Variants in DNAH5 observed in about 807,000 individuals in gnomAD.
DNAH5 encodes the protein dynein axonemal heavy chain 5, also known as axonemal beta dynein heavy chain 5.
Under a neutral mutation model 518.2 loss-of-function variants are expected in DNAH5, and 372 were observed. The ratio of observed to expected loss-of-function variants is 0.72; its 90% CI spans 0.66 to 0.78. The LOEUF (loss-of-function observed/expected upper bound fraction) is 0.78, where lower values mean the gene tolerates loss of function less well. Among genes scored for constraint, DNAH5 ranks in the 30% least tolerant of loss-of-function variants. The pLI is 0.00. For missense variants in DNAH5, 5,523 were observed against 5,687.0 expected, an observed-to-expected ratio of 0.97 and a Z score of 0.93; for synonymous variants, 2,039 against 2,025.9, an observed-to-expected ratio of 1.01 and a Z score of -0.17.
intron 1 of DNAH5, among the ~76,000 whole-genome samples, chr5:14,005,277 A>T (rs1375954995): frequency 6.6e-6 from 1 of 152,198 alleles, no homozygotes; most frequent in African/African-American, 2.4e-5. Flanking sequence ...TCTGTTCTCC[A>T]GCTTTCTATG....
At chr5:13,725,636 A>G (rs1332166373) in intron 70 of DNAH5, among the ~76,000 whole-genome samples, 11 of 151,936 alleles carry the variant, frequency 7.2e-5, no homozygotes, top group African/African-American at 2.7e-4. Context: ...TAACCTGCAC[A>G]CCTGTGCCAA....
chr5:13,980,377 C>T (rs933949286), intron 1 of DNAH5, among the ~76,000 whole-genome samples: 18 of 152,116 alleles, frequency 1.2e-4, no homozygotes, highest in Non-Finnish European at 8.8e-5. Flanking sequence ...CATGGATGTC[C>T]AACTCCCTGT....
intron 62 of DNAH5, 28 bp from the exon 63 acceptor site, chr5:13,753,577 A>C: frequency 6.4e-7 from 1 of 1,573,138 alleles, no homozygotes; most frequent in Non-Finnish European, 8.7e-7. Context: ...CACCATTGAA[A>C]TACTTTACGT....
At chr5:13,984,989 T>C (rs1442276280) in intron 1 of DNAH5, among the ~76,000 whole-genome samples, 1 of 152,188 alleles carries the variant, frequency 6.6e-6, no homozygotes, top group Non-Finnish European at 1.5e-5. Context: ...GTATGTTTAT[T>C]GCGGCACTAC....
At position 13,917,245 on chromosome 5, in the gene DNAH5, C is replaced by A; in HGVS notation, c.987G>T (p.Glu329Asp). The A allele has an allele frequency of 6.2e-7, 1 of 1,613,718 alleles. No individual in the cohort carries two copies. Among genetic ancestry groups the A allele is most frequent in the South Asian group, 1.1e-5 (1 of 91,068 alleles). ...AKSKLLKTWR[E>D]MDIRITDATN... is the part of the protein sequence containing the mutation. ...TTGCATCAGTGATTCGAATATCCAT[C>A]TCCCGCCAAGTCTAAGCACAATAGG... Residue 329 changes from glutamate to aspartate, a missense_variant, in exon 8 of 79, where the codon GAG (glutamate) becomes GAT (aspartate). This residue lies in a region of DNAH5 where 5,121 missense variants were observed against 5,223.3 expected (regional missense o/e 0.98). Coordinates refer to ENST00000265104, the MANE Select transcript of DNAH5 (RefSeq NM_001369.3).
rs777697449 is a variant in DNAH5 at position 13,859,536 on chromosome 5, G to C, written c.4866C>G (p.Ile1622Met). The C allele has an allele frequency of 1.2e-6, 2 of 1,614,034 alleles. No individual in the cohort carries two copies. The highest frequency in any genetic ancestry group is 2.2e-5 in the South Asian group (2 of 91,078). The change falls in exon 30 of 79, where the codon ATC becomes ATG. Residue 1622 changes from isoleucine to methionine, a missense_variant. Physicochemically the swap from Ile to Met is conservative, Grantham distance 10 (BLOSUM62 1). Coordinates refer to ENST00000265104, the MANE Select transcript of DNAH5 (RefSeq NM_001369.3). ...GGTTTTGCACCGTCATCCAGCTCTC[G>C]ATGATGTCTGTTGAGTTGGAAAGGT... ...VQYLSNSTDI[I>M]ESWMTVQNLW...
chr5:13,839,602 G>A, intron 34 of DNAH5, 74 bp from the exon 35 acceptor site: 1 of 1,301,564 alleles, frequency 7.7e-7, no homozygotes, highest in Non-Finnish European at 1.1e-6. Flanking sequence ...TAGCATTCAT[G>A]TAGATCATAA....
Position 13,944,489 on chromosome 5 carries a change from A to AGAAG in DNAH5, c.-52_-51insCTTC. Reference sequence around the variant, plus strand: ...GTCAGCTCTTCCGGAATGGTCTTCTAACTCCTGGCAGACCTGCTCAACATC... The same window carrying AGAAG: ...GTCAGCTCTTCCGGAATGGTCTTCTAGAAGACTCCTGGCAGACCTGCTCAACATC... On this transcript the variant is annotated 5_prime_UTR_variant, in exon 1 of 79. The change abolishes the stop of an existing upstream ORF in the 5' untranslated region. Transcript: ENST00000265104. The AGAAG allele has an allele frequency of 6.5e-7, 1 of 1,543,258 alleles. No homozygotes were observed. The highest frequency in any genetic ancestry group is 8.9e-7 in the Non-Finnish European group (1 of 1,120,992).
intron 1 of DNAH5, among the ~76,000 whole-genome samples, chr5:13,953,075 C>T (rs1170476243): frequency 6.6e-6 from 1 of 152,184 alleles, no homozygotes; most frequent in East Asian, 1.9e-4. Flanking sequence ...ATTTTAGAGA[C>T]CAAACATAAA....
rs1561370706 is a variant in DNAH5, at chr5:13,829,498, A to G, written c.6444+12T>C. ...ACATGCCTAAGTGCATAAGACCTCC[A>G]GGATGACACACCTGCTTAGAAAGCT... On this transcript the variant is annotated intron_variant, in intron 38 of 78. Transcript: ENST00000265104. 6.2e-7 allele frequency: 1 copy of G among 1,613,804 alleles called. No homozygotes were observed. Among genetic ancestry groups the G allele is most frequent in the South Asian group, 1.1e-5 (1 of 91,086 alleles).
In DNAH5 at chr5:13,716,555, A is replaced by C; in HGVS notation, c.12841T>G (p.Phe4281Val). ...WFSENMFGPD[F>V]SFYQGYNIPK... ...ATATTGTATCCTTGGTAAAAACTGA[A>C]ATCTGGTCCAAACATATTTTCACTG... The change falls in exon 74 of 79, where the codon TTC (phenylalanine) becomes GTC (valine). Residue 4281 changes from phenylalanine to valine, a missense_variant. By Grantham distance (50) the Phe-to-Val change is conservative (BLOSUM62 -1). This residue lies in a region of DNAH5 where 387 missense variants were observed against 430.0 expected (regional missense o/e 0.90). Transcript: ENST00000265104. 1 of 1,613,964 alleles carries C rather than the reference A, an allele frequency of 6.2e-7. No individual in the cohort carries two copies. Among genetic ancestry groups the C allele is most frequent in the Non-Finnish European group, 8.5e-7 (1 of 1,179,868 alleles).
chr5:13,852,748 C>T (rs887803202), intron 30 of DNAH5, among the ~76,000 whole-genome samples: 3 of 152,064 alleles, frequency 2.0e-5, no homozygotes, highest in East Asian at 1.9e-4. Flanking sequence ...TTAACAAAGC[C>T]GCAAAGAAGT....
At chr5:13,871,427 C>T (rs2151919930) in intron 23 of DNAH5, 137 bp downstream of exon 23, 1 of 758,694 alleles carries the variant, frequency 1.3e-6, no homozygotes. Context: ...TTTAAAAATC[C>T]ACAAATTGGT....
At chr5:13,836,869 A>T (rs1330988556) in intron 35 of DNAH5, among the ~76,000 whole-genome samples, 1 of 152,194 alleles carries the variant, frequency 6.6e-6, no homozygotes, top group African/African-American at 2.4e-5. Context: ...CAGAGACACA[A>T]GACAGAAGAA....
intron 50 of DNAH5, among the ~76,000 whole-genome samples, chr5:13,790,248 G>A (rs1483540132): frequency 6.6e-6 from 1 of 152,154 alleles, no homozygotes; most frequent in Non-Finnish European, 1.5e-5. Context: ...ACATGCACGT[G>A]AATGTTCATT....
At chr5:13,859,977 T>C (rs1341948221) in intron 29 of DNAH5, among the ~76,000 whole-genome samples, 2 of 152,206 alleles carry the variant, frequency 1.3e-5, no homozygotes, top group Non-Finnish European at 2.9e-5. Context: ...TCTCTGGTTT[T>C]TCATATAATA....
chr5:13,840,986 C>A lies in DNAH5; in HGVS notation c.5629G>T (p.Asp1877Tyr). The A allele has an allele frequency of 6.2e-7, 1 of 1,614,124 alleles. No individual in the cohort carries two copies. Among genetic ancestry groups the A allele is most frequent in the Non-Finnish European group, 8.5e-7 (1 of 1,179,994 alleles). The stretch of plus-strand genomic sequence containing the variant: ...TTCACTCGTTCCGTGGAACTCAGAT[C>A]CCTCGTGGTGACGTCTATCAATGTA... Reference protein sequence around the residue: ...LNTLIDVTTRDLSSTERVKYE... With the variant: ...LNTLIDVTTRYLSSTERVKYE... The change falls in exon 34 of 79, where the codon GAT becomes TAT. Residue 1877 changes from aspartate (D) to tyrosine (Y), a missense_variant. This residue lies in a region of DNAH5 where 5,121 missense variants were observed against 5,223.3 expected (regional missense o/e 0.98). Coordinates refer to ENST00000265104, the MANE Select transcript of DNAH5 (RefSeq NM_001369.3).
At chr5:13,774,324 G>C (rs1580166114) in intron 55 of DNAH5, among the ~76,000 whole-genome samples, 1 of 152,200 alleles carries the variant, frequency 6.6e-6, no homozygotes, top group East Asian at 1.9e-4. Context: ...AGGTTGCCTA[G>C]TTTGATGAGC....
intron 75 of DNAH5, 53 bp from the exon 76 acceptor site, chr5:13,708,388 A>G: frequency 1.9e-6 from 3 of 1,584,866 alleles, no homozygotes; most frequent in Non-Finnish European, 2.6e-6. Context: ...TAAGGATTTT[A>G]TAGACCTGGT....
Sources: allele counts gnomAD v4.1 joint callset (sites outside exome capture counted in the v4.1 genomes callset), GRCh38; gene constraint gnomAD v4.1.1; regional missense constraint gnomAD v4.1.1; transcripts MANE v1.5; gene names NCBI Gene and HGNC (gene_info 2026-07-23, HGNC 2026-07-21).